The following RABGAP1L variants were observed in gnomAD, a reference collection of about 807,000 sequenced individuals.
RABGAP1L encodes the protein RAB GTPase activating protein 1 like.
Under a neutral mutation model 137.7 loss-of-function variants are expected in RABGAP1L, and 63 were observed. The observed-to-expected ratio is 0.46, with a 90% confidence interval of 0.37 to 0.56. The LOEUF (loss-of-function observed/expected upper bound fraction) is 0.56, where lower values mean the gene tolerates loss of function less well. Among genes scored for constraint, RABGAP1L ranks in the 20% least tolerant of loss-of-function variants. The pLI, the probability that RABGAP1L is intolerant of heterozygous loss-of-function variation, is 0.00. For synonymous variants in RABGAP1L, 431 were observed against 433.7 expected, an observed-to-expected ratio of 0.99 and a Z score of 0.08; for missense variants, 1,095 against 1,244.0, an observed-to-expected ratio of 0.88 and a Z score of 1.80.
chr1:174,701,449 A>G (rs1175620084), intron 16 of RABGAP1L, among the ~76,000 whole-genome samples: 1 of 152,156 alleles, frequency 6.6e-6, no homozygotes, highest in Non-Finnish European at 1.5e-5. Context: ...CTAGTTAAGA[A>G]TTGAACCCTG....
At chr1:174,601,411 C>T (rs1329964120) in intron 13 of RABGAP1L, among the ~76,000 whole-genome samples, 1 of 152,104 alleles carries the variant, frequency 6.6e-6, no homozygotes, top group Non-Finnish European at 1.5e-5. Context: ...TTTCCAAACA[C>T]TGCATGTTCT....
At chr1:174,183,941 C>T (rs1666592410) in intron 1 of RABGAP1L, among the ~76,000 whole-genome samples, 1 of 149,814 alleles carries the variant, frequency 6.7e-6, no homozygotes, top group African/African-American at 2.5e-5. Context: ...TCTCGGCTCA[C>T]TGCAAGCTCT....
intron 1 of RABGAP1L, among the ~76,000 whole-genome samples, chr1:174,203,879 T>A (rs1668307633): frequency 6.6e-6 from 1 of 152,168 alleles, no homozygotes; most frequent in African/African-American, 2.4e-5. Context: ...GCCTTTCTGA[T>A]TTGGCTCTTG....
Position 174,791,755 on chromosome 1 carries a change from C to T in RABGAP1L, c.2212-20077C>T, listed in dbSNP as rs150873341. 3.7e-3 allele frequency among the ~76,000 whole-genome samples: 571 copies of T among 152,290 alleles called. 3 individuals are homozygous for T. Among genetic ancestry groups the T allele is most frequent in the African/African-American group, 0.013 (545 of 41,568 alleles). ...TTCAAGAAAGCAGCTCTTACAGAGA[C>T]GCTGTGGCTGAGCTGCCAAGGATGT... is the stretch of plus-strand genomic sequence containing the variant. On this transcript the variant is annotated intron_variant, in intron 18 of 25. Coordinates refer to ENST00000681986, the MANE Select transcript of RABGAP1L (RefSeq NM_001366446.1).
intron 3 of RABGAP1L, among the ~76,000 whole-genome samples, chr1:174,226,372 G>A (rs1012274273): frequency 2.6e-5 from 4 of 152,162 alleles, no homozygotes; most frequent in Admixed American, 6.5e-5. Flanking sequence ...ACCAGCCTGC[G>A]CAACATAGCG....
At chr1:174,671,963 A>G (rs897674949) in intron 14 of RABGAP1L, among the ~76,000 whole-genome samples, 1 of 152,230 alleles carries the variant, frequency 6.6e-6, no homozygotes, top group Non-Finnish European at 1.5e-5. Flanking sequence ...TTTTGTTGAT[A>G]GGAGACTTTT....
At chr1:174,812,176 C>T (rs1361974407) in intron 19 of RABGAP1L, among the ~76,000 whole-genome samples, 1 of 152,144 alleles carries the variant, frequency 6.6e-6, no homozygotes, top group Non-Finnish European at 1.5e-5. Context: ...CAGATTATAA[C>T]AATAGGAAGA....
intron 19 of RABGAP1L, among the ~76,000 whole-genome samples, chr1:174,907,878 A>G (rs1659374968): frequency 6.6e-6 from 1 of 152,230 alleles, no homozygotes; most frequent in African/African-American, 2.4e-5. Context: ...ACAGTGGCTG[A>G]ATGGGTAAAG....
chr1:174,544,447 C>G (rs1258293095), intron 13 of RABGAP1L, among the ~76,000 whole-genome samples: 2 of 152,294 alleles, frequency 1.3e-5, no homozygotes, highest in East Asian at 3.9e-4. Context: ...TCAGCTCCAT[C>G]AGGTCATTTA....
chr1:174,978,870 A>G lies in RABGAP1L; in HGVS notation c.2713A>G (p.Ile905Val), dbSNP rs1558302127. 3 of 1,544,524 alleles carry G rather than the reference A, an allele frequency of 1.9e-6. No individual in the cohort carries two copies. Among genetic ancestry groups the G allele is most frequent in the Non-Finnish European group, 2.6e-6 (3 of 1,144,932 alleles). ...AEYEIKKTTA[I>V]IAEYKQICSQ... ...ATATGAAATAAAGAAGACTACAGCT[A>G]TCATTGCTGAGTATAAACAGGTAAT... is the stretch of plus-strand genomic sequence containing the variant. Residue 905 changes from isoleucine (I) to valine (V), a missense_variant, in exon 23 of 26, where the codon ATC becomes GTC. Transcript: ENST00000681986.
At chr1:174,562,435 A>T (rs1420485503) in intron 13 of RABGAP1L, among the ~76,000 whole-genome samples, 1 of 152,188 alleles carries the variant, frequency 6.6e-6, no homozygotes, top group African/African-American at 2.4e-5. Flanking sequence ...ACCATTGTGG[A>T]AGACAGTGTG....
chr1:174,270,470 A>G (rs1298950470), intron 7 of RABGAP1L, among the ~76,000 whole-genome samples: 2 of 152,130 alleles, frequency 1.3e-5, no homozygotes, highest in Non-Finnish European at 2.9e-5. Context: ...GTGAAGGTTG[A>G]AAGATTACCT....
At chr1:174,216,613 A>T (rs1465933665) in intron 1 of RABGAP1L, among the ~76,000 whole-genome samples, 1 of 145,794 alleles carries the variant, frequency 6.9e-6, no homozygotes, top group African/African-American at 2.5e-5. Context: ...CATGTGGTAT[A>T]ATCATCCAAT....
chr1:174,800,591 T>C, intron 18 of RABGAP1L: 1 of 1,477,344 alleles, frequency 6.8e-7, no homozygotes, highest in Non-Finnish European at 9.0e-7. Context: ...TTGTTGTCTC[T>C]GGTTTTCTTC....
chr1:174,262,051 C>T (rs1162705211), intron 7 of RABGAP1L, among the ~76,000 whole-genome samples: 1 of 152,208 alleles, frequency 6.6e-6, no homozygotes, highest in African/African-American at 2.4e-5. Context: ...GGATAACTCT[C>T]TTTTTCCATA....
Position 174,338,677 on chromosome 1 carries a change from A to T in RABGAP1L, c.1466-32302A>T, listed in dbSNP as rs141720861. On this transcript the variant is annotated intron_variant, in intron 11 of 25. Transcript: ENST00000681986. ...AGTCTGGTATTTTATTATGATTAAT[A>T]ATATTTATTTATTGCTATAAATATA... is the stretch of plus-strand genomic sequence containing the variant. 9.9e-5 allele frequency among the ~76,000 whole-genome samples: 15 copies of T among 152,124 alleles called. No individual in the cohort carries two copies. The East Asian group carries it at 2.7e-3, about 27-fold the overall frequency.
At position 174,320,995 on chromosome 1, in the gene RABGAP1L, A is replaced by G. The variant is rs888456216; in HGVS notation, c.1465+15868A>G. Among the ~76,000 whole-genome samples, 20 of 152,298 alleles carry G rather than the reference A, an allele frequency of 1.3e-4. 1 individual carries two copies. The highest frequency in any genetic ancestry group is 1.3e-3 in the Admixed American group (20 of 15,286). The stretch of plus-strand genomic sequence containing the variant: ...CTTCTTACAAAAGTGAATAGGAGAA[A>G]TATTGCTGAACTCTTTTTCTCAGCA... On this transcript the variant is annotated intron_variant, in intron 11 of 25. Transcript: ENST00000681986.
chr1:174,560,846 T>G (rs1468564958), intron 13 of RABGAP1L, among the ~76,000 whole-genome samples: 2 of 152,226 alleles, frequency 1.3e-5, no homozygotes, highest in South Asian at 2.1e-4. Context: ...GTTAATTTGC[T>G]TAGGATAATG....
chr1:174,908,703 C>G (rs1284093626), intron 19 of RABGAP1L, among the ~76,000 whole-genome samples: 1 of 150,950 alleles, frequency 6.6e-6, no homozygotes, highest in Non-Finnish European at 1.5e-5. Context: ...CCACTACACC[C>G]GGCTAATTTT....
Sources: gnomAD v4.1 joint callset for allele counts (sites outside exome capture counted in the v4.1 genomes callset) on GRCh38, gnomAD v4.1.1 for gene constraint, MANE v1.5 for transcripts, NCBI Gene and HGNC (gene_info 2026-07-23, HGNC 2026-07-21) for gene names.